The following STARD13 variants were observed in gnomAD, a reference collection of about 807,000 sequenced individuals.
The protein encoded by STARD13 is StAR related lipid transfer domain containing 13.
In STARD13, 62 loss-of-function variants were observed where a neutral mutation model predicts 106.4. That is an observed-to-expected ratio of 0.58 (90% CI 0.48 to 0.72). STARD13 has a LOEUF of 0.72. STARD13 is among the 30% of genes least tolerant of loss of function. The probability of loss-of-function intolerance (pLI) is 0.00; values close to 1 mark genes in which losing one functional copy is unlikely to be tolerated. For missense variants in STARD13, 1,387 were observed against 1,424.0 expected, an observed-to-expected ratio of 0.97 and a Z score of 0.42; for synonymous variants, 565 against 553.0, an observed-to-expected ratio of 1.02 and a Z score of -0.31.
chr13:33,390,521 C>A, the STARD13 span, among the ~76,000 whole-genome samples: 2 of 152,168 alleles, frequency 1.3e-5, no homozygotes, highest in Admixed American at 6.5e-5. Flanking sequence ...GAGCTCCAAC[C>A]TCTTCATAAA....
chr13:33,391,639 T>C, the STARD13 span, among the ~76,000 whole-genome samples: 1 of 152,120 alleles, frequency 6.6e-6, no homozygotes, highest in Non-Finnish European at 1.5e-5. Flanking sequence ...AGGAGTGTTT[T>C]GGTAAAGACA....
At chr13:33,673,095 C>T in the STARD13 span, among the ~76,000 whole-genome samples, 1 of 152,190 alleles carries the variant, frequency 6.6e-6, no homozygotes, top group African/African-American at 2.4e-5. Context: ...GGATGCTATC[C>T]ACGCATTTTA....
intron 1 of STARD13, among the ~76,000 whole-genome samples, chr13:33,240,197 C>T (rs562116102): frequency 3.2e-4 from 48 of 152,248 alleles, no homozygotes; most frequent in Middle Eastern, 6.8e-3. Context: ...TGACCGTATA[C>T]ACGAGGATTT....
intron 2 of STARD13, 96 bp downstream of exon 2, chr13:33,167,455 G>A: frequency 7.7e-7 from 1 of 1,293,984 alleles, no homozygotes. Context: ...AAATGGGCGA[G>A]AAAAAAAAAT....
At chr13:33,640,881 C>T in the STARD13 span, among the ~76,000 whole-genome samples, 1 of 152,110 alleles carries the variant, frequency 6.6e-6, no homozygotes, top group Non-Finnish European at 1.5e-5. Context: ...TCTTGGCCTC[C>T]CTGAAGTTCA....
intron 1 of STARD13, among the ~76,000 whole-genome samples, chr13:33,229,290 C>T (rs1176293956): frequency 2.0e-5 from 3 of 152,312 alleles, no homozygotes; most frequent in Admixed American, 6.5e-5. Context: ...AGTTGAGATA[C>T]GGCCAGGACA....
At chr13:33,659,128 C>T in the STARD13 span, among the ~76,000 whole-genome samples, 9 of 151,852 alleles carry the variant, frequency 5.9e-5, no homozygotes, top group East Asian at 1.2e-3. Flanking sequence ...TGTGACCCAC[C>T]GTAGCAAATT....
chr13:33,162,795 G>T (rs1003102387), intron 3 of STARD13, among the ~76,000 whole-genome samples: 1 of 151,642 alleles, frequency 6.6e-6, no homozygotes. Context: ...TTTCTAGGAG[G>T]TTCCAAACTT....
chr13:33,676,244 G>A, the STARD13 span, among the ~76,000 whole-genome samples: 194 of 152,262 alleles, frequency 1.3e-3, no homozygotes, highest in African/African-American at 4.4e-3. Context: ...GCGACATTCA[G>A]GATAAAGTCC....
intron 1 of STARD13, among the ~76,000 whole-genome samples, chr13:33,210,915 T>G (rs1307697829): frequency 1.3e-5 from 2 of 152,172 alleles, no homozygotes; most frequent in Non-Finnish European, 2.9e-5. Context: ...ATTTCTCCAT[T>G]TCTTTTGGTC....
At chr13:33,341,413 C>T (rs528131593) in intron 1 of STARD13, among the ~76,000 whole-genome samples, 2 of 151,978 alleles carry the variant, frequency 1.3e-5, no homozygotes, top group Admixed American at 6.6e-5. Flanking sequence ...CCGAGGTGGG[C>T]GGATCACAAG....
At chr13:33,261,674 A>AT (rs1890647039) in intron 1 of STARD13, among the ~76,000 whole-genome samples, 1 of 152,146 alleles carries the variant, frequency 6.6e-6, no homozygotes, top group Admixed American at 6.5e-5. Context: ...CAGTGGCATT[A>AT]TTTTTTATTG....
At chr13:33,275,200 A>T (rs1455479859) in intron 1 of STARD13, among the ~76,000 whole-genome samples, 2 of 152,148 alleles carry the variant, frequency 1.3e-5, no homozygotes, top group African/African-American at 2.4e-5. Context: ...AAGAAAAAAA[A>T]CCTCTTTTGT....
chr13:33,394,083 A>G, the STARD13 span, among the ~76,000 whole-genome samples: 7 of 152,256 alleles, frequency 4.6e-5, no homozygotes, highest in African/African-American at 1.7e-4. Flanking sequence ...GAAAGGCTGT[A>G]GAACCTTTAA....
At chr13:33,484,787 T>C in the STARD13 span, among the ~76,000 whole-genome samples, 5 of 152,226 alleles carry the variant, frequency 3.3e-5, no homozygotes, top group Non-Finnish European at 5.9e-5. Flanking sequence ...CAGGTGATTA[T>C]GTAGTCATTT....
rs573348948 is a variant in STARD13 at position 33,239,840 on chromosome 13, T to C, written c.169+45630A>G. 3.9e-5 allele frequency among the ~76,000 whole-genome samples: 6 copies of C among 152,306 alleles called. No individual in the cohort carries two copies. In the South Asian group the frequency reaches 1.0e-3, roughly 26 times the overall value. On this transcript the variant is annotated intron_variant, in intron 1 of 13. Transcript: ENST00000336934. ...TTTGCATATATTTTCTTCCATTTCA[T>C]AGGTTGCTTTTTCAATCTTGACAGT...
At chr13:33,599,697 G>A in the STARD13 span, among the ~76,000 whole-genome samples, 15 of 152,088 alleles carry the variant, frequency 9.9e-5, no homozygotes, top group African/African-American at 2.9e-4. Flanking sequence ...CTGAACTAGC[G>A]CTATGAGAGA....
chr13:33,253,157 C>G (rs1890172768), intron 1 of STARD13, among the ~76,000 whole-genome samples: 1 of 152,158 alleles, frequency 6.6e-6, no homozygotes, highest in Admixed American at 6.5e-5. Flanking sequence ...TCATTGTAGT[C>G]CTGCTAAAAG....
the STARD13 span, among the ~76,000 whole-genome samples, chr13:33,386,764 T>C: frequency 6.6e-6 from 1 of 152,174 alleles, no homozygotes; most frequent in East Asian, 1.9e-4. Context: ...TCTGGTTCTC[T>C]TGTGGCACTG....
Sources: allele counts gnomAD v4.1 joint callset (sites outside exome capture counted in the v4.1 genomes callset), GRCh38; gene constraint gnomAD v4.1.1; transcripts MANE v1.5; gene names NCBI Gene and HGNC (gene_info 2026-07-23, HGNC 2026-07-21).